Variants in PDE4D observed in about 807,000 individuals in gnomAD.
PDE4D encodes phosphodiesterase 4D.
In PDE4D, 24 loss-of-function variants were observed where a neutral mutation model predicts 87.4. That is an observed-to-expected ratio of 0.27 (90% CI 0.20 to 0.39). The LOEUF (loss-of-function observed/expected upper bound fraction) is 0.39. Among genes scored for constraint, PDE4D ranks in the 10% least tolerant of loss-of-function variants. The pLI is 1.00. For missense variants in PDE4D, 714 were observed against 1,041.0 expected, an observed-to-expected ratio of 0.69 and a Z score of 4.32; for synonymous variants, 384 against 383.2, an observed-to-expected ratio of 1.00 and a Z score of -0.02.
intron 1 of PDE4D, among the ~76,000 whole-genome samples, chr5:60,362,566 T>C (rs1246897082): frequency 6.6e-6 from 1 of 152,172 alleles, no homozygotes; most frequent in Non-Finnish European, 1.5e-5. Flanking sequence ...AGAAATATTA[T>C]TTTATTTCTG....
At chr5:60,020,573 A>G (rs1418630548) in intron 2 of PDE4D, among the ~76,000 whole-genome samples, 3 of 152,182 alleles carry the variant, frequency 2.0e-5, no homozygotes, top group East Asian at 3.9e-4. Context: ...ATTTCTCTAG[A>G]GAACACTATG....
At chr5:59,586,956 G>A in intron 1 of PDE4D, 2 of 985,418 alleles carry the variant, frequency 2.0e-6, no homozygotes, top group Middle Eastern at 5.2e-4. Context: ...AAAGGCCTGG[G>A]CAGAGGGGCT....
intron 1 of PDE4D, among the ~76,000 whole-genome samples, chr5:59,758,456 A>G (rs1334036766): frequency 6.6e-6 from 1 of 152,222 alleles, no homozygotes; most frequent in Non-Finnish European, 1.5e-5. Flanking sequence ...CCTTTTGAGA[A>G]TAAGTGCCTC....
At chr5:59,161,210 G>A (rs975966316) in intron 5 of PDE4D, among the ~76,000 whole-genome samples, 19 of 152,088 alleles carry the variant, frequency 1.2e-4, no homozygotes, top group African/African-American at 3.6e-4. Flanking sequence ...AAGGATGCAC[G>A]TGTGACACTG....
At chr5:59,206,968 A>T (rs1428137943) in intron 2 of PDE4D, among the ~76,000 whole-genome samples, 1 of 152,040 alleles carries the variant, frequency 6.6e-6, no homozygotes, top group African/African-American at 2.4e-5. Flanking sequence ...GTATTGCTTG[A>T]GCTCAGGAAT....
intron 1 of PDE4D, among the ~76,000 whole-genome samples, chr5:59,877,758 G>T (rs903850444): frequency 3.3e-5 from 5 of 152,142 alleles, no homozygotes; most frequent in African/African-American, 1.2e-4. Context: ...CAAGGAGGTT[G>T]CAGTGAGCCA....
chr5:60,462,835 T>C (rs1474834957), intron 1 of PDE4D, among the ~76,000 whole-genome samples: 3 of 152,180 alleles, frequency 2.0e-5, no homozygotes, highest in African/African-American at 7.2e-5. Context: ...CATTAGAGAG[T>C]GTTTGTGTTT....
intron 1 of PDE4D, among the ~76,000 whole-genome samples, chr5:59,460,229 G>A (rs994943015): frequency 6.6e-6 from 1 of 151,916 alleles, no homozygotes. Context: ...AAATCCATAG[G>A]AAAATGGATT....
chr5:60,208,279 T>C (rs1742783508), intron 1 of PDE4D, among the ~76,000 whole-genome samples: 1 of 152,176 alleles, frequency 6.6e-6, no homozygotes, highest in South Asian at 2.1e-4. Context: ...AAGAGATTCT[T>C]TGAAAAGACG....
At chr5:60,486,688 T>G (rs1402862578) in intron 1 of PDE4D, among the ~76,000 whole-genome samples, 1 of 152,244 alleles carries the variant, frequency 6.6e-6, no homozygotes, top group African/African-American at 2.4e-5. Flanking sequence ...ATGTTATTTT[T>G]ATAGGAATTG....
intron 1 of PDE4D, among the ~76,000 whole-genome samples, chr5:59,601,642 CT>C (rs1827521695): frequency 6.6e-6 from 1 of 152,094 alleles, no homozygotes; most frequent in African/African-American, 2.4e-5. Context: ...ATCCTCAGCA[CT>C]TTTGAGACTG....
intron 1 of PDE4D, among the ~76,000 whole-genome samples, chr5:59,635,493 A>C (rs547174180): frequency 2.0e-5 from 3 of 152,360 alleles, no homozygotes; most frequent in South Asian, 4.1e-4. Flanking sequence ...ATCCTCAATA[A>C]AATACTGGTA....
chr5:60,279,106 C>A (rs528371490), intron 1 of PDE4D, among the ~76,000 whole-genome samples: 20 of 152,256 alleles, frequency 1.3e-4, no homozygotes, highest in African/African-American at 4.8e-4. Context: ...GGATGCAAAG[C>A]CCAGATTCCC....
intron 1 of PDE4D, among the ~76,000 whole-genome samples, chr5:59,403,150 C>T (rs371069338): frequency 0.079 from 10,524 of 133,270 alleles, 1,029 homozygotes; most frequent in African/African-American, 0.24. Context: ...GGTAGACAGA[C>T]AGACAGACAG....
Position 58,975,958 on chromosome 5 carries a change from G to A in PDE4D, c.1831-119C>T, listed in dbSNP as rs1308939395. ...ACACTTAAAAATACACGTAGTGTAA[G>A]ATTTATTCCAAACAGCTCAACCATG... On this transcript the variant is annotated intron_variant, in intron 13 of 14. Coordinates refer to ENST00000340635, the MANE Select transcript of PDE4D (RefSeq NM_001104631.2). The surrounding 1 kb of genome is among the most constrained non-coding windows in gnomAD (Gnocchi z 4.2). 2.7e-6 allele frequency: 2 copies of A among 742,520 alleles called. No individual in the cohort carries two copies. Among genetic ancestry groups the A allele is most frequent in the Non-Finnish European group, 4.1e-6 (2 of 492,980 alleles). The allele number at this position is 742,520 out of a possible 1,614,324, so 46.0% of individuals were successfully genotyped here. A position where few individuals can be genotyped will look rare whatever the true frequency, so the allele number is the denominator to read the frequency against.
intron 1 of PDE4D, among the ~76,000 whole-genome samples, chr5:60,266,868 T>G (rs1750263655): frequency 6.6e-6 from 1 of 152,244 alleles, no homozygotes; most frequent in African/African-American, 2.4e-5. Context: ...TATGTTCTCC[T>G]GTGCTATGGA....
At chr5:59,292,486 T>C (rs895963320) in intron 1 of PDE4D, among the ~76,000 whole-genome samples, 1 of 152,178 alleles carries the variant, frequency 6.6e-6, no homozygotes, top group Non-Finnish European at 1.5e-5. Context: ...GTCTTTATAA[T>C]TTTGCTTTTG....
chr5:59,006,910 A>T (rs1751730572), intron 6 of PDE4D, among the ~76,000 whole-genome samples: 1 of 152,232 alleles, frequency 6.6e-6, no homozygotes, highest in Non-Finnish European at 1.5e-5. Context: ...CAGAGAGGTC[A>T]AGTTGTCTTG....
At chr5:60,336,066 C>G (rs1347075287) in intron 1 of PDE4D, among the ~76,000 whole-genome samples, 1 of 152,128 alleles carries the variant, frequency 6.6e-6, no homozygotes, top group African/African-American at 2.4e-5. Context: ...TGAAGAATTC[C>G]AGACACAACT....
Sources: allele counts gnomAD v4.1 joint callset (sites outside exome capture counted in the v4.1 genomes callset), GRCh38; gene constraint gnomAD v4.1.1; non-coding constraint Gnocchi (gnomAD v3.1); transcripts MANE v1.5; gene names NCBI Gene and HGNC (gene_info 2026-07-23, HGNC 2026-07-21).